CACNA2D3: variants seen among roughly 807,000 people sequenced by gnomAD.
CACNA2D3 encodes calcium voltage-gated channel auxiliary subunit alpha2delta 3, also known as voltage-dependent calcium channel subunit alpha-2/delta-3.
A neutral mutation model predicts 160.6 loss-of-function variants in CACNA2D3; 60 were observed. The observed-to-expected ratio is 0.37, with a 90% confidence interval of 0.30 to 0.46. The LOEUF (loss-of-function observed/expected upper bound fraction) is 0.46, where lower values mean the gene tolerates loss of function less well. Ranked by LOEUF, CACNA2D3 falls within the 20% of genes least tolerant of loss-of-function variation. CACNA2D3 has a pLI of 1.00. For missense variants in CACNA2D3, 1,205 were observed against 1,365.0 expected (o/e 0.88, Z 1.85); for synonymous variants, 558 against 492.9 (o/e 1.13, Z -1.75).
chr3:54,679,605 C>T (rs1429378162), intron 11 of CACNA2D3, among the ~76,000 whole-genome samples: 1 of 152,216 alleles, frequency 6.6e-6, no homozygotes, highest in African/African-American at 2.4e-5. Flanking sequence ...GTGTCACACT[C>T]TTACTCATCC....
chr3:54,640,683 A>G (rs886559963), intron 10 of CACNA2D3, among the ~76,000 whole-genome samples: 1 of 152,202 alleles, frequency 6.6e-6, no homozygotes, highest in Non-Finnish European at 1.5e-5. Context: ...TGCCAACAAT[A>G]TAAATTTGAA....
chr3:54,215,228 A>G (rs1701439523), intron 2 of CACNA2D3, among the ~76,000 whole-genome samples: 3 of 152,210 alleles, frequency 2.0e-5, no homozygotes, highest in Non-Finnish European at 4.4e-5. Flanking sequence ...AATTGTATAT[A>G]TTTATGGTAC....
At chr3:55,004,279 T>G (rs570214756) in intron 31 of CACNA2D3, among the ~76,000 whole-genome samples, 1 of 152,202 alleles carries the variant, frequency 6.6e-6, no homozygotes, top group African/African-American at 2.4e-5. Context: ...ACTTTGTCAA[T>G]GTACAGGGCT....
Position 54,987,772 on chromosome 3 carries a change from A to G in CACNA2D3, c.2690+19A>G. The G allele has an allele frequency of 6.4e-7, 1 of 1,563,906 alleles. No individual in the cohort carries two copies. The highest frequency in any genetic ancestry group is 1.4e-5 in the African/African-American group (1 of 72,756). On this transcript the variant is annotated intron_variant, in intron 31 of 37. Coordinates refer to ENST00000474759, the MANE Select transcript of CACNA2D3 (RefSeq NM_018398.3). ...TTAAAAGGTAAGGGTTTTATGGTCC[A>G]CTGCATTCCCCCCAAAAGTTTTCCT...
chr3:54,742,054 A>G (rs186567670), intron 11 of CACNA2D3, among the ~76,000 whole-genome samples: 28 of 151,960 alleles, frequency 1.8e-4, no homozygotes, highest in Non-Finnish European at 2.5e-4. Flanking sequence ...TTTCGTAGAG[A>G]TGAGGTCTTG....
chr3:54,271,958 C>G (rs564004521), intron 2 of CACNA2D3, among the ~76,000 whole-genome samples: 1 of 152,340 alleles, frequency 6.6e-6, no homozygotes, highest in East Asian at 1.9e-4. Context: ...GGCAATTCTT[C>G]AGGGAGTCGT....
At chr3:54,596,523 G>T (rs2106765013) in intron 9 of CACNA2D3, among the ~76,000 whole-genome samples, 1 of 152,228 alleles carries the variant, frequency 6.6e-6, no homozygotes, top group East Asian at 1.9e-4. Flanking sequence ...GTTAGTAAAA[G>T]CACTGCCCTT....
chr3:54,604,842 C>T (rs957056768), intron 9 of CACNA2D3, among the ~76,000 whole-genome samples: 3 of 152,156 alleles, frequency 2.0e-5, no homozygotes, highest in African/African-American at 7.2e-5. Flanking sequence ...AGATCACATC[C>T]CTTCTGTAGT....
At chr3:54,245,308 GGTGT>G (rs58946501) in intron 2 of CACNA2D3, among the ~76,000 whole-genome samples, 5 of 149,108 alleles carry the variant, frequency 3.4e-5, no homozygotes, top group African/African-American at 4.9e-5. Context: ...CATGTGTATG[GGTGT>G]GTGTGTGTGT....
intron 16 of CACNA2D3, among the ~76,000 whole-genome samples, 177 bp from the exon 17 acceptor site, chr3:54,846,216 A>G (rs1011593125): frequency 6.6e-6 from 1 of 152,250 alleles, no homozygotes; most frequent in African/African-American, 2.4e-5. Context: ...ACAGGTCTTC[A>G]TTTCCACCAA....
At chr3:54,873,335 G>A (rs547392567) in intron 18 of CACNA2D3, among the ~76,000 whole-genome samples, 38 of 152,142 alleles carry the variant, frequency 2.5e-4, no homozygotes, top group African/African-American at 8.9e-4. Flanking sequence ...AATCTTTGGA[G>A]GGGACTTTCC....
chr3:54,666,204 A>G lies in CACNA2D3; in HGVS notation c.1167+23963A>G, dbSNP rs1233268804. ...AACTCAAGAATCTTTTAGTTTCTCA[A>G]CAGACAACTTTAAAAGGTAACAGCA... On this transcript the variant is annotated intron_variant, in intron 11 of 37. Coordinates refer to ENST00000474759, the MANE Select transcript of CACNA2D3 (RefSeq NM_018398.3). Among the ~76,000 whole-genome samples, 6 of 152,250 alleles carry G rather than the reference A, an allele frequency of 3.9e-5. No homozygotes were observed. The South Asian group carries it at 1.2e-3, about 31-fold the overall frequency.
chr3:54,336,985 C>G (rs1353122294), intron 3 of CACNA2D3, among the ~76,000 whole-genome samples: 2 of 152,026 alleles, frequency 1.3e-5, no homozygotes, highest in Non-Finnish European at 1.5e-5. Flanking sequence ...AGATATAAAT[C>G]AAGATGGGGC....
At chr3:54,800,142 G>GC (rs1338116574) in intron 13 of CACNA2D3, among the ~76,000 whole-genome samples, 3 of 152,198 alleles carry the variant, frequency 2.0e-5, no homozygotes, top group Non-Finnish European at 4.4e-5. Flanking sequence ...GAGTGGCTTT[G>GC]CATCCTGTTT....
chr3:54,867,525 C>CT (rs1197620887), intron 17 of CACNA2D3, among the ~76,000 whole-genome samples: 6 of 20,500 alleles, frequency 2.9e-4, no homozygotes, highest in South Asian at 4.3e-3. Context: ...TCTAAGCCAG[C>CT]TTTAAAAAAA....
chr3:54,168,114 C>T (rs1455299765), intron 2 of CACNA2D3, among the ~76,000 whole-genome samples: 1 of 152,098 alleles, frequency 6.6e-6, no homozygotes, highest in African/African-American at 2.4e-5. Context: ...GTGAGCCCTT[C>T]AGTAGAGCCA....
chr3:54,737,182 A>ATGTG (rs4025817), intron 11 of CACNA2D3, among the ~76,000 whole-genome samples: 7,458 of 147,506 alleles, frequency 0.051, 237 homozygotes, highest in Non-Finnish European at 0.065. Context: ...CCATGTGTAT[A>ATGTG]TGTGTGTGTG....
At chr3:54,887,606 A>T (rs1699955804) in intron 23 of CACNA2D3, among the ~76,000 whole-genome samples, 1 of 152,172 alleles carries the variant, frequency 6.6e-6, no homozygotes, top group East Asian at 1.9e-4. Context: ...GATGGGGATG[A>T]TGACAGCCAA....
At chr3:54,951,098 C>A (rs1004467137) in intron 27 of CACNA2D3, among the ~76,000 whole-genome samples, 1 of 152,172 alleles carries the variant, frequency 6.6e-6, no homozygotes, top group Admixed American at 6.5e-5. Flanking sequence ...ACAGAACGCT[C>A]CAACTATAAT....
Sources: allele counts gnomAD v4.1 joint callset (sites outside exome capture counted in the v4.1 genomes callset), GRCh38; gene constraint gnomAD v4.1.1; transcripts MANE v1.5; gene names NCBI Gene and HGNC (gene_info 2026-07-23, HGNC 2026-07-21).